The following WNT2B variants were observed in gnomAD, a reference collection of about 807,000 sequenced individuals.
The protein encoded by WNT2B is protein Wnt-2b.
Under a neutral mutation model 40.5 loss-of-function variants are expected in WNT2B, and 19 were observed. That is an observed-to-expected ratio of 0.47 (90% CI 0.33 to 0.69). The LOEUF (loss-of-function observed/expected upper bound fraction) is 0.69. Among genes scored for constraint, WNT2B ranks in the 30% least tolerant of loss-of-function variants. The pLI, the probability that WNT2B is intolerant of heterozygous loss-of-function variation, is 0.02. For synonymous variants in WNT2B, 220 were observed against 211.9 expected, an observed-to-expected ratio of 1.04 and a Z score of -0.33; for missense variants, 467 against 556.4, an observed-to-expected ratio of 0.84 and a Z score of 1.62.
intron 1 of WNT2B, among the ~76,000 whole-genome samples, chr1:112,502,115 C>A (rs918278360): frequency 6.6e-6 from 1 of 152,212 alleles, no homozygotes; most frequent in African/African-American, 2.4e-5. Flanking sequence ...TGAGCGGTCT[C>A]CCCTCACTCT....
upstream of WNT2B, chr1:112,508,785 T>C (rs935233319): frequency 7.1e-6 from 7 of 987,342 alleles, no homozygotes; most frequent in Non-Finnish European, 8.4e-6. This position sits in a 1 kb window ranked among gnomAD's most constrained non-coding sequence, Gnocchi z 4.2. Context: ...CGGGAGCAGG[T>C]GGGGGTGCAG....
intron 1 of WNT2B, among the ~76,000 whole-genome samples, chr1:112,495,896 C>T (rs1288206356): frequency 6.6e-6 from 1 of 152,132 alleles, no homozygotes; most frequent in Non-Finnish European, 1.5e-5. Flanking sequence ...GTCTTGAATG[C>T]TGAATCCTCC....
At chr1:112,513,412 C>G (rs553622789) in intron 1 of WNT2B, among the ~76,000 whole-genome samples, 10 of 152,348 alleles carry the variant, frequency 6.6e-5, no homozygotes, top group African/African-American at 2.4e-4. Flanking sequence ...CTCACCCCTT[C>G]CCCGGGACAG....
rs560892689 is a variant in WNT2B, at chr1:112,469,211, G to GT, written c.-95+1621dup. ...ATCCTGATTTGGTTACTAAAGCCATGTAATCCATTTTGAAGTGAGTCAAGA... is the reference window on the plus strand; with the variant it reads ...ATCCTGATTTGGTTACTAAAGCCATGTTAATCCATTTTGAAGTGAGTCAAGA... On this transcript the variant is annotated intron_variant, in intron 1 of 4. Coordinates refer to the WNT2B transcript ENST00000256640. Among the ~76,000 whole-genome samples the GT allele has an allele frequency of 5.6e-4, 85 of 152,192 alleles. 1 individual carries two copies. The highest frequency in any genetic ancestry group is 1.1e-3 in the Non-Finnish European group (74 of 68,028).
chr1:112,513,098 A>G (rs1432415112), intron 1 of WNT2B, among the ~76,000 whole-genome samples: 3 of 150,870 alleles, frequency 2.0e-5, no homozygotes, highest in African/African-American at 7.4e-5. Flanking sequence ...TTCCCATCCA[A>G]CCCTCCTCAC....
At chr1:112,492,188 A>G (rs1288977578) in intron 1 of WNT2B, among the ~76,000 whole-genome samples, 1 of 152,268 alleles carries the variant, frequency 6.6e-6, no homozygotes, top group Non-Finnish European at 1.5e-5. Context: ...CCCATCTGGC[A>G]TGTAAAAAGC....
At chr1:112,490,988 C>T in intron 1 of WNT2B, 1 of 1,611,708 alleles carries the variant, frequency 6.2e-7, no homozygotes, top group Non-Finnish European at 8.5e-7. Flanking sequence ...TTAAATTGCG[C>T]CTGTGTTTTC....
At chr1:112,477,989 A>G (rs1456311691) in intron 1 of WNT2B, among the ~76,000 whole-genome samples, 1 of 152,162 alleles carries the variant, frequency 6.6e-6, no homozygotes, top group African/African-American at 2.4e-5. Flanking sequence ...ACCCTAGCAC[A>G]TTGGGAGGCC....
At chr1:112,467,186 G>A in exon 1 of WNT2B, 1 of 286,290 alleles carries the variant, frequency 3.5e-6, no homozygotes, top group Non-Finnish European at 6.6e-6. Flanking sequence ...AGTGCACCAA[G>A]TTGCCAGCAG....
chr1:112,507,251 T>G (rs990712420), upstream of WNT2B, among the ~76,000 whole-genome samples: 4 of 152,204 alleles, frequency 2.6e-5, no homozygotes, highest in African/African-American at 9.7e-5. Flanking sequence ...TAACATACTC[T>G]GTTTTACTTC....
chr1:112,520,091 T>G (rs1652783335), intron 4 of WNT2B, among the ~76,000 whole-genome samples, 189 bp from the exon 5 acceptor site: 1 of 152,112 alleles, frequency 6.6e-6, no homozygotes, highest in African/African-American at 2.4e-5. Context: ...AGGCTGGTCT[T>G]GAATTCCTGG....
At chr1:112,508,599 CTG>C (rs1652203926), upstream of WNT2B, 2 of 533,946 alleles carry the variant, frequency 3.7e-6, no homozygotes, top group Admixed American at 1.3e-4. This position sits in a 1 kb window ranked among gnomAD's most constrained non-coding sequence, Gnocchi z 4.2. Context: ...GCCGGTGTCA[CTG>C]TAGGTTGGGG....
At chr1:112,499,607 A>G (rs1483357421) in intron 1 of WNT2B, among the ~76,000 whole-genome samples, 1 of 152,118 alleles carries the variant, frequency 6.6e-6, no homozygotes, top group Non-Finnish European at 1.5e-5. Flanking sequence ...CATTCATTAA[A>G]CTCTCATCAA....
intron 3 of WNT2B, 55 bp from the exon 4 acceptor site, chr1:112,517,066 C>T (rs1004410664): frequency 3.2e-6 from 5 of 1,573,054 alleles, no homozygotes; most frequent in Non-Finnish European, 4.3e-6. Flanking sequence ...CTAGGGATGA[C>T]TAAAATGTGT....
intron 1 of WNT2B, among the ~76,000 whole-genome samples, chr1:112,477,130 G>A (rs1160716092): frequency 6.6e-6 from 1 of 152,196 alleles, no homozygotes; most frequent in Non-Finnish European, 1.5e-5. Flanking sequence ...TTTGGGTGGG[G>A]TAGTCAATAA....
chr1:112,486,300 G>T (rs1651416224), intron 1 of WNT2B, among the ~76,000 whole-genome samples: 1 of 152,020 alleles, frequency 6.6e-6, no homozygotes, highest in South Asian at 2.1e-4. Context: ...TTAATTAGTT[G>T]GGCATGGTGT....
intron 1 of WNT2B, among the ~76,000 whole-genome samples, chr1:112,499,203 CAAAA>C (rs34199500): frequency 5.7e-5 from 6 of 105,076 alleles, no homozygotes; most frequent in South Asian, 3.2e-4. Context: ...AAGACTGTCT[CAAAA>C]AAAAAAAAAA....
chr1:112,501,167 TA>T (rs749948979), intron 1 of WNT2B, among the ~76,000 whole-genome samples: 3 of 152,232 alleles, frequency 2.0e-5, no homozygotes, highest in Non-Finnish European at 4.4e-5. Flanking sequence ...TGGTGGAATT[TA>T]CCAGGTGTTT....
upstream of WNT2B, among the ~76,000 whole-genome samples, chr1:112,508,099 C>T (rs1368736525): frequency 2.6e-5 from 4 of 151,970 alleles, no homozygotes; most frequent in African/African-American, 4.8e-5. The surrounding 1 kb of genome is among the most constrained non-coding windows in gnomAD (Gnocchi z 4.2). Flanking sequence ...GGAAAAAGCT[C>T]CAGGGCTTCC....
Sources: allele counts gnomAD v4.1 joint callset (sites outside exome capture counted in the v4.1 genomes callset), GRCh38; gene constraint gnomAD v4.1.1; non-coding constraint Gnocchi (gnomAD v3.1); transcripts MANE v1.5; gene names NCBI Gene and HGNC (gene_info 2026-07-23, HGNC 2026-07-21).